Variants in CSNK1D observed in about 807,000 individuals in gnomAD.
CSNK1D encodes the protein casein kinase I isoform delta.
Under a neutral mutation model 46.6 loss-of-function variants are expected in CSNK1D, and 16 were observed. That is an observed-to-expected ratio of 0.34 (90% CI 0.23 to 0.52). CSNK1D has a LOEUF of 0.52. Ranked by LOEUF, CSNK1D falls within the 20% of genes least tolerant of loss-of-function variation. CSNK1D has a pLI of 0.95. For missense variants in CSNK1D, 398 were observed against 578.4 expected (o/e 0.69, Z 3.20); for synonymous variants, 276 against 228.2 (o/e 1.21, Z -1.89).
intron 2 of CSNK1D, among the ~76,000 whole-genome samples, chr17:82,260,112 CTGACTGATG>C (rs2051289170): frequency 7.0e-6 from 1 of 142,002 alleles, no homozygotes; most frequent in African/African-American, 2.7e-5. Context: ...TGATGGTGTA[CTGACTGATG>C]TGACTGATGG....
intron 8 of CSNK1D, 49 bp from the exon 9 acceptor site, chr17:82,244,880 C>T (rs202062937): frequency 7.2e-5 from 116 of 1,612,246 alleles, no homozygotes; most frequent in Non-Finnish European, 9.2e-5. Flanking sequence ...CTGGGGGAGC[C>T]GGCCAGGCAG....
chr17:82,252,486 A>G lies in CSNK1D; in HGVS notation c.684T>C (p.Ile228=). 1 of 1,613,986 alleles carries G rather than the reference A, an allele frequency of 6.2e-7. No individual in the cohort carries two copies. Among genetic ancestry groups the G allele is most frequent in the Non-Finnish European group, 8.5e-7 (1 of 1,180,000 alleles). The change falls in exon 5 of 9, where the codon ATT becomes ATC. Residue 228 remains isoleucine (I), a synonymous_variant. Transcript: ENST00000314028. This position sits in a 1 kb window ranked among gnomAD's most constrained non-coding sequence, Gnocchi z 4.6. ...AATKRQKYER[I]SEKKMSTPIE... is the part of the protein sequence containing the mutation. ...TGGGGGTGGACATTTTCTTCTCGCT[A>G]ATCCTTTCGTATTTCTGTCTCTTGG...
chr17:82,249,309 G>T lies in CSNK1D; in HGVS notation c.1057+122C>A, dbSNP rs1480238807. On this transcript the variant is annotated intron_variant, in intron 7 of 8. Coordinates refer to ENST00000314028, the MANE Select transcript of CSNK1D (RefSeq NM_001893.6). This position sits in a 1 kb window ranked among gnomAD's most constrained non-coding sequence, Gnocchi z 6.7. ...GCCTGGCTCATCCACCCTCAGGAGC[G>T]AGCATCGCCTGACACAGGGCACTTA... 2.8e-6 allele frequency: 3 copies of T among 1,089,660 alleles called. No homozygotes were observed. The highest frequency in any genetic ancestry group is 3.1e-5 in the African/African-American group (2 of 64,148). 67.5% of individuals were successfully genotyped at this position (1,089,660 alleles called of 1,614,324 possible). A position where few individuals can be genotyped will look rare whatever the true frequency, so the allele number is the denominator to read the frequency against.
At chr17:82,270,232 C>T (rs116645621) in intron 1 of CSNK1D, among the ~76,000 whole-genome samples, 406 of 152,330 alleles carry the variant, frequency 2.7e-3, no homozygotes, top group African/African-American at 9.3e-3. Flanking sequence ...GACAACCTGG[C>T]AGGGCCCTGC....
intron 1 of CSNK1D, among the ~76,000 whole-genome samples, chr17:82,266,335 C>A (rs146423409): frequency 6.6e-6 from 1 of 152,236 alleles, no homozygotes; most frequent in Non-Finnish European, 1.5e-5. Flanking sequence ...CAGGCAAACA[C>A]CCTCCACCAG....
chr17:82,252,872 C>T lies in CSNK1D; in HGVS notation c.565+144G>A. The T allele has an allele frequency of 1.2e-6, 1 of 812,802 alleles. No individual in the cohort carries two copies. The highest frequency in any genetic ancestry group is 2.7e-5 in the East Asian group (1 of 37,576). 50.3% of individuals were successfully genotyped at this position (812,802 alleles called of 1,614,324 possible). A position where few individuals can be genotyped will look rare whatever the true frequency, so the allele number is the denominator to read the frequency against. On this transcript the variant is annotated intron_variant, in intron 4 of 8. Transcript: ENST00000314028. The surrounding 1 kb of genome is among the most constrained non-coding windows in gnomAD (Gnocchi z 4.6). ...CATCCGCCTGCCCCCATACACCTGG[C>T]AGTCACGAGCCAGCCTGTCTGCCGC... is the stretch of plus-strand genomic sequence containing the variant.
intron 1 of CSNK1D, among the ~76,000 whole-genome samples, chr17:82,267,723 G>A (rs928911999): frequency 6.6e-6 from 1 of 152,140 alleles, no homozygotes; most frequent in African/African-American, 2.4e-5. Context: ...AACTCAACTC[G>A]CCAGCCGGGA....
rs372753599 is a variant in CSNK1D, at chr17:82,254,368, C to T, written c.336+1061G>A. The T allele has an allele frequency of 8.5e-5, 23 of 271,418 alleles. No homozygotes were observed. The East Asian group carries it at 1.7e-3, about 20-fold the overall frequency. The allele number at this position is 271,418 out of a possible 1,614,324, so 16.8% of individuals were successfully genotyped here. ...CCAGTGCGCTGAGCCGCCGGGGCCT[C>T]GAGAAGCCAGTCAGCTGAGCCGCCG... On this transcript the variant is annotated intron_variant, in intron 3 of 8. Transcript: ENST00000314028.
chr17:82,253,108 T>C lies in CSNK1D; in HGVS notation c.473A>G (p.Asp158Gly). Residue 158 changes from aspartate to glycine, a missense_variant, in exon 4 of 9, where the codon GAT (aspartate) becomes GGT (glycine). Asp to Gly is a moderately conservative substitution (Grantham distance 94). Coordinates refer to ENST00000314028, the MANE Select transcript of CSNK1D (RefSeq NM_001893.6). ...GGGGATGTGCTGGTGGGTGCGTGCATCCCGGTACTTCTTGGCCAGCCCGAA... is the reference window on the plus strand; with the variant it reads ...GGGGATGTGCTGGTGGGTGCGTGCACCCCGGTACTTCTTGGCCAGCCCGAA... ...IDFGLAKKYR[D>G]ARTHQHIPYR... 1 of 1,614,210 alleles carries C rather than the reference T, an allele frequency of 6.2e-7. No homozygotes were observed. The highest frequency in any genetic ancestry group is 8.5e-7 in the Non-Finnish European group (1 of 1,180,026).
Position 82,251,689 on chromosome 17 carries a change from T to C in CSNK1D, c.737-162A>G. 1.2e-6 allele frequency: 1 copy of C among 806,494 alleles called. No homozygotes were observed. The highest frequency in any genetic ancestry group is 2.1e-6 in the Non-Finnish European group (1 of 480,896). The allele number at this position is 806,494 out of a possible 1,614,324, so 50.0% of individuals were successfully genotyped here. A position where few individuals can be genotyped will look rare whatever the true frequency, so the allele number is the denominator to read the frequency against. On this transcript the variant is annotated intron_variant, in intron 5 of 8. Coordinates refer to ENST00000314028, the MANE Select transcript of CSNK1D (RefSeq NM_001893.6). This position sits in a 1 kb window ranked among gnomAD's most constrained non-coding sequence, Gnocchi z 4.5. ...TAAGACCTGAAGCCTTGAGAAAGCA[T>C]CGAAAAGTATTCAAGTCACGGCCGG...
intron 8 of CSNK1D, chr17:82,245,952 G>T: frequency 6.3e-7 from 1 of 1,586,664 alleles, no homozygotes; most frequent in East Asian, 2.3e-5. Flanking sequence ...GCTGCTGCCT[G>T]GCGCCCGCCA....
downstream of CSNK1D, chr17:82,239,027 C>T (rs750861421): frequency 1.6e-5 from 23 of 1,472,814 alleles, no homozygotes; most frequent in East Asian, 4.7e-5. Flanking sequence ...AAGCCGGCAA[C>T]GCTTGCTATT....
At chr17:82,246,534 T>G (rs2050854495) in intron 8 of CSNK1D, 15 of 1,065,978 alleles carry the variant, frequency 1.4e-5, no homozygotes, top group African/African-American at 1.7e-5. Flanking sequence ...CTAGATGGCC[T>G]TTAGGGCCCA....
At chr17:82,268,317 GCCCACCGGGGGCACCCCCACA>G (rs919952226) in intron 1 of CSNK1D, among the ~76,000 whole-genome samples, 3 of 152,170 alleles carry the variant, frequency 2.0e-5, no homozygotes, top group Admixed American at 6.5e-5. Context: ...GTCCCACCTC[GCCCACCGGGGGCACCCCCACA>G]CTCTACCAGC....
chr17:82,270,942 A>C (rs1244800160), intron 1 of CSNK1D, among the ~76,000 whole-genome samples: 1 of 152,168 alleles, frequency 6.6e-6, no homozygotes, highest in Non-Finnish European at 1.5e-5. Context: ...CTGAGTGAGG[A>C]GACAGCCTTC....
rs2050898714 is a variant in CSNK1D, at chr17:82,248,165, G to A, written c.1197+710C>T. 1.0e-6 allele frequency: 1 copy of A among 985,526 alleles called. No individual in the cohort carries two copies. Among genetic ancestry groups the A allele is most frequent in the South Asian group, 4.7e-5 (1 of 21,296 alleles). The allele number at this position is 985,526 out of a possible 1,614,324, so 61.0% of individuals were successfully genotyped here. A position where few individuals can be genotyped will look rare whatever the true frequency, so the allele number is the denominator to read the frequency against. ...GCCCTGCCCCACTAACCCTGCCCCT[G>A]TTGGCGAACAACCCAGAAAACTATT... On this transcript the variant is annotated intron_variant, in intron 8 of 8. Transcript: ENST00000314028. The surrounding 1 kb of genome is among the most constrained non-coding windows in gnomAD (Gnocchi z 4.1).
In CSNK1D at chr17:82,249,480, C is replaced by A; in HGVS notation, c.1008G>T (p.Gly336=). 1 of 1,542,234 alleles carries A rather than the reference C, an allele frequency of 6.5e-7. No homozygotes were observed. ...LPSTASGRLR[G]TQEVAPPTPL... The stretch of plus-strand genomic sequence containing the variant: ...GTGTGGGGGGAGCCACTTCCTGCGT[C>A]CCCCGCAGGCGGCCGGAGGCTGTGG... The change falls in exon 7 of 9, where the codon GGG becomes GGT. Residue 336 remains glycine, a synonymous_variant. Transcript: ENST00000314028. The surrounding 1 kb of genome is among the most constrained non-coding windows in gnomAD (Gnocchi z 6.7).
intron 2 of CSNK1D, among the ~76,000 whole-genome samples, chr17:82,260,105 T>C (rs1247694355): frequency 6.6e-6 from 1 of 151,296 alleles, no homozygotes; most frequent in Non-Finnish European, 1.5e-5. Flanking sequence ...ATATGACTGA[T>C]GGTGTACTGA....
At chr17:82,257,868 C>G (rs2051215489) in intron 2 of CSNK1D, among the ~76,000 whole-genome samples, 3 of 152,322 alleles carry the variant, frequency 2.0e-5, no homozygotes, top group South Asian at 4.1e-4. Context: ...TTCACATCAG[C>G]AGGGAAAGCC....
Sources: gnomAD v4.1 joint callset for allele counts (sites outside exome capture counted in the v4.1 genomes callset) on GRCh38, gnomAD v4.1.1 for gene constraint, Gnocchi (gnomAD v3.1) non-coding constraint, MANE v1.5 for transcripts, NCBI Gene and HGNC (gene_info 2026-07-23, HGNC 2026-07-21) for gene names.